Variants in BRMS1L observed in about 807,000 individuals in gnomAD.
BRMS1L encodes breast cancer metastasis-suppressor 1-like protein.
BRMS1L carries 23 observed loss-of-function variants against 50.3 expected under a neutral mutation model. The observed-to-expected ratio is 0.46, with a 90% CI of 0.33 to 0.65. The LOEUF (loss-of-function observed/expected upper bound fraction) is 0.65, where lower values mean the gene tolerates loss of function less well. BRMS1L is among the 30% of genes least tolerant of loss of function. The probability of loss-of-function intolerance (pLI) is 0.02; values close to 1 mark genes in which losing one functional copy is unlikely to be tolerated. For missense variants in BRMS1L, 286 were observed against 386.1 expected, an observed-to-expected ratio of 0.74 and a Z score of 2.17; for synonymous variants, 114 against 126.9, an observed-to-expected ratio of 0.90 and a Z score of 0.69.
chr14:35,848,370 A>G (rs2078164338), intron 4 of BRMS1L, among the ~76,000 whole-genome samples: 2 of 151,836 alleles, frequency 1.3e-5, no homozygotes, highest in Non-Finnish European at 2.9e-5. Context: ...TAGAGATGGG[A>G]GTCTTTCTCT....
At chr14:35,839,454 C>T (rs1454560920) in intron 4 of BRMS1L, among the ~76,000 whole-genome samples, 3 of 152,284 alleles carry the variant, frequency 2.0e-5, no homozygotes, top group East Asian at 3.9e-4. Context: ...CTTTAAATTA[C>T]TTTGGACACA....
intron 8 of BRMS1L, 57 bp from the exon 9 acceptor site, chr14:35,867,849 C>G: frequency 6.7e-7 from 1 of 1,491,672 alleles, no homozygotes; most frequent in Non-Finnish European, 8.9e-7. Context: ...TGTTCTGACC[C>G]TTTGTTCTTC....
Position 35,870,435 on chromosome 14 carries a change from T to A in BRMS1L, c.930T>A (p.Ile310=). The A allele has an allele frequency of 1.2e-6, 2 of 1,609,310 alleles. No individual in the cohort carries two copies. Among genetic ancestry groups the A allele is most frequent in the Non-Finnish European group, 1.7e-6 (2 of 1,177,418 alleles). ...ATGGAAGCAAATCTAAGCTTTACAT[T>A]TCACAGCTACAGAAAGGAAAATATT... ...RPDGSKSKLY[I]SQLQKGKYSI... Residue 310 remains isoleucine, a synonymous_variant, in exon 10 of 10, where the codon ATT becomes ATA. Transcript: ENST00000216807.
At chr14:35,843,982 A>G (rs1595666227) in intron 4 of BRMS1L, among the ~76,000 whole-genome samples, 1 of 152,128 alleles carries the variant, frequency 6.6e-6, no homozygotes, top group African/African-American at 2.4e-5. Flanking sequence ...CTTTGTTTAC[A>G]CTGTGAGGGG....
At chr14:35,843,039 G>A (rs913574680) in intron 4 of BRMS1L, among the ~76,000 whole-genome samples, 1 of 152,156 alleles carries the variant, frequency 6.6e-6, no homozygotes, top group Non-Finnish European at 1.5e-5. Flanking sequence ...GGACATTTAT[G>A]TTCTTCCCTT....
At chr14:35,826,782 C>G (rs2077850778) in intron 1 of BRMS1L, 124 bp downstream of exon 1, 1 of 1,382,186 alleles carries the variant, frequency 7.2e-7, no homozygotes, top group Admixed American at 2.4e-5. Context: ...GGGGCGGAGA[C>G]TGGCTCTGGG....
intron 6 of BRMS1L, among the ~76,000 whole-genome samples, 182 bp from the exon 7 acceptor site, chr14:35,864,753 C>G (rs1280480044): frequency 6.6e-6 from 1 of 152,070 alleles, no homozygotes; most frequent in East Asian, 1.9e-4. Context: ...GTTATGACAT[C>G]AGAAGTACTA....
At chr14:35,866,732 C>T (rs779103150) in intron 8 of BRMS1L, among the ~76,000 whole-genome samples, 3 of 152,136 alleles carry the variant, frequency 2.0e-5, no homozygotes, top group Non-Finnish European at 4.4e-5. Flanking sequence ...TTTTTAACCC[C>T]ATGATTCCTT....
intron 1 of BRMS1L, 116 bp downstream of exon 1, chr14:35,826,774 G>C (rs970901951): frequency 5.7e-6 from 8 of 1,414,758 alleles, no homozygotes; most frequent in Non-Finnish European, 7.6e-6. Context: ...AGAGGGAAGG[G>C]GCGGAGACTG....
intron 4 of BRMS1L, among the ~76,000 whole-genome samples, chr14:35,843,438 C>A (rs928895046): frequency 1.3e-5 from 2 of 152,166 alleles, no homozygotes; most frequent in Non-Finnish European, 2.9e-5. Flanking sequence ...CAGTCAGGCC[C>A]CTCTGCTGCA....
intron 9 of BRMS1L, among the ~76,000 whole-genome samples, chr14:35,868,993 G>C (rs918379242): frequency 6.6e-6 from 1 of 152,136 alleles, no homozygotes; most frequent in Non-Finnish European, 1.5e-5. Context: ...GTAAACTTCT[G>C]TGGTAACAAA....
At chr14:35,836,945 A>C (rs975094566) in intron 4 of BRMS1L, among the ~76,000 whole-genome samples, 1 of 152,162 alleles carries the variant, frequency 6.6e-6, no homozygotes, top group Admixed American at 6.5e-5. Context: ...CTCCTTGAAG[A>C]GGTCCTTCAT....
At position 35,826,465 on chromosome 14, in the gene BRMS1L, G is replaced by T; in HGVS notation, c.-52G>T. The T allele has an allele frequency of 6.4e-7, 1 of 1,551,692 alleles. No individual in the cohort carries two copies. Among genetic ancestry groups the T allele is most frequent in the Non-Finnish European group, 8.7e-7 (1 of 1,148,212 alleles). On this transcript the variant is annotated 5_prime_UTR_variant, in exon 1 of 10. Transcript: ENST00000216807. Reference sequence around the variant, plus strand: ...CGTTCCGCGCGCCCTTCATTGAAGCGGCGGTGGCCGGGCTGGGCGCCGGTA... The same window carrying T: ...CGTTCCGCGCGCCCTTCATTGAAGCTGCGGTGGCCGGGCTGGGCGCCGGTA...
chr14:35,834,485 A>G (rs2077966637), intron 3 of BRMS1L, among the ~76,000 whole-genome samples: 1 of 152,202 alleles, frequency 6.6e-6, no homozygotes, highest in South Asian at 2.1e-4. Context: ...TGATGACACC[A>G]GAGTTTATTA....
intron 4 of BRMS1L, among the ~76,000 whole-genome samples, chr14:35,837,714 A>G (rs10132043): frequency 0.17 from 25,327 of 151,622 alleles, 2,198 homozygotes; most frequent in East Asian, 0.33. Flanking sequence ...ATGCCTGGGT[A>G]ATTTTCTTTT....
At chr14:35,857,891 A>G (rs2078301486) in intron 4 of BRMS1L, among the ~76,000 whole-genome samples, 1 of 147,996 alleles carries the variant, frequency 6.8e-6, no homozygotes, top group African/African-American at 2.5e-5. Flanking sequence ...CAGATCTATG[A>G]GGGCCTCCTA....
chr14:35,837,669 G>A (rs2078012056), intron 4 of BRMS1L, among the ~76,000 whole-genome samples: 1 of 151,972 alleles, frequency 6.6e-6, no homozygotes, highest in African/African-American at 2.4e-5. Flanking sequence ...TCCTGCCTCA[G>A]CCTCCCAAGC....
At chr14:35,827,792 A>T (rs558556601) in intron 1 of BRMS1L, among the ~76,000 whole-genome samples, 1 of 152,240 alleles carries the variant, frequency 6.6e-6, no homozygotes, top group Non-Finnish European at 1.5e-5. Context: ...TCGTTTCAAT[A>T]TTGGGTGGTC....
intron 4 of BRMS1L, among the ~76,000 whole-genome samples, chr14:35,838,211 T>C (rs1343501316): frequency 6.6e-6 from 1 of 152,244 alleles, no homozygotes; most frequent in African/African-American, 2.4e-5. Flanking sequence ...ACTCATCCTT[T>C]TCTATGGCTG....
Sources: gnomAD v4.1 joint callset for allele counts (sites outside exome capture counted in the v4.1 genomes callset) on GRCh38, gnomAD v4.1.1 for gene constraint, MANE v1.5 for transcripts, NCBI Gene and HGNC (gene_info 2026-07-23, HGNC 2026-07-21) for gene names.